Variants in LHFPL3 observed in about 807,000 individuals in gnomAD.
The protein encoded by LHFPL3 is LHFPL tetraspan subfamily member 3.
Under a neutral mutation model 19.3 loss-of-function variants are expected in LHFPL3, and 5 were observed. The ratio of observed to expected loss-of-function variants is 0.26; its 90% CI spans 0.14 to 0.54. The LOEUF is 0.54. LHFPL3 is among the 20% of genes least tolerant of loss of function. The probability of loss-of-function intolerance (pLI) is 0.94; values close to 1 mark genes in which losing one functional copy is unlikely to be tolerated. For synonymous variants in LHFPL3, 133 were observed against 126.2 expected (o/e 1.05, Z -0.36); for missense variants, 249 against 307.4 (o/e 0.81, Z 1.42).
intron 1 of LHFPL3, among the ~76,000 whole-genome samples, chr7:104,731,709 C>A (rs1448268315): frequency 6.6e-6 from 1 of 151,676 alleles, no homozygotes; most frequent in East Asian, 1.9e-4. Flanking sequence ...ATTGAATACC[C>A]TTTATTTCTT....
At chr7:104,469,656 A>T (rs938618744) in intron 1 of LHFPL3, among the ~76,000 whole-genome samples, 2 of 152,120 alleles carry the variant, frequency 1.3e-5, no homozygotes, top group African/African-American at 4.8e-5. Flanking sequence ...TCCAGGATTC[A>T]TGGTGTTCTC....
intron 1 of LHFPL3, among the ~76,000 whole-genome samples, chr7:104,352,250 CTAT>C (rs1188651475): frequency 1.3e-5 from 2 of 151,192 alleles, no homozygotes; most frequent in African/African-American, 4.9e-5. Context: ...TAAATTATTA[CTAT>C]TATATTTATA....
intron 1 of LHFPL3, among the ~76,000 whole-genome samples, chr7:104,482,539 T>G (rs192025614): frequency 2.6e-4 from 40 of 152,368 alleles, no homozygotes; most frequent in African/African-American, 7.5e-4. Context: ...TAGACTCTTA[T>G]GTGTTTATAC....
intron 1 of LHFPL3, among the ~76,000 whole-genome samples, chr7:104,578,452 G>A (rs1283742611): frequency 1.3e-5 from 2 of 152,174 alleles, no homozygotes; most frequent in Non-Finnish European, 2.9e-5. Flanking sequence ...TAGGCCCCAG[G>A]CAGGTAGGCA....
intron 1 of LHFPL3, among the ~76,000 whole-genome samples, chr7:104,385,270 A>G (rs1201271732): frequency 6.6e-6 from 1 of 152,230 alleles, no homozygotes; most frequent in African/African-American, 2.4e-5. Context: ...AAACTTCTCA[A>G]AAGGATTTGT....
intron 2 of LHFPL3, among the ~76,000 whole-genome samples, chr7:104,900,024 C>T (rs1345820132): frequency 1.3e-5 from 2 of 152,154 alleles, no homozygotes; most frequent in Non-Finnish European, 2.9e-5. Flanking sequence ...GAGCCACCGC[C>T]GTGCCTGGCC....
At chr7:104,594,162 A>C (rs2115656200) in intron 1 of LHFPL3, among the ~76,000 whole-genome samples, 1 of 152,320 alleles carries the variant, frequency 6.6e-6, no homozygotes, top group South Asian at 2.1e-4. Flanking sequence ...CTGTTCTTGC[A>C]GTGGCTGGTA....
At chr7:104,680,200 T>C (rs1792670002) in intron 1 of LHFPL3, among the ~76,000 whole-genome samples, 1 of 152,192 alleles carries the variant, frequency 6.6e-6, no homozygotes, top group Non-Finnish European at 1.5e-5. Flanking sequence ...TTTCTGTCCA[T>C]GTGGTGATGT....
At chr7:104,518,771 G>C (rs919156830) in intron 1 of LHFPL3, among the ~76,000 whole-genome samples, 1 of 151,260 alleles carries the variant, frequency 6.6e-6, no homozygotes, top group African/African-American at 2.4e-5. Context: ...GCAACAGAGT[G>C]AGACTCCATC....
intron 1 of LHFPL3, among the ~76,000 whole-genome samples, chr7:104,704,278 C>T (rs1252749672): frequency 6.6e-6 from 1 of 152,198 alleles, no homozygotes; most frequent in Non-Finnish European, 1.5e-5. Context: ...TGCCTTTCTA[C>T]TTCCATTAAA....
At chr7:104,741,746 G>T (rs1231959655) in intron 2 of LHFPL3, among the ~76,000 whole-genome samples, 1 of 151,860 alleles carries the variant, frequency 6.6e-6, no homozygotes, top group Non-Finnish European at 1.5e-5. Context: ...GTAGAGACAG[G>T]GTACCCAGGC....
At chr7:104,412,592 G>A (rs568114756) in intron 1 of LHFPL3, among the ~76,000 whole-genome samples, 2 of 151,938 alleles carry the variant, frequency 1.3e-5, no homozygotes, top group African/African-American at 4.8e-5. Flanking sequence ...GCAGGGAGTG[G>A]TCTCAGACCT....
intron 1 of LHFPL3, among the ~76,000 whole-genome samples, chr7:104,583,504 A>G (rs1420141791): frequency 6.6e-6 from 1 of 152,222 alleles, no homozygotes; most frequent in Non-Finnish European, 1.5e-5. Flanking sequence ...AAAAGAAAGT[A>G]CCATCAGAGT....
At chr7:104,640,233 T>C (rs1030593350) in intron 1 of LHFPL3, among the ~76,000 whole-genome samples, 1 of 152,190 alleles carries the variant, frequency 6.6e-6, no homozygotes, top group Non-Finnish European at 1.5e-5. Context: ...TTTTAAGCTC[T>C]GCATGCATTA....
At chr7:104,676,851 C>T (rs181489868) in intron 1 of LHFPL3, among the ~76,000 whole-genome samples, 2 of 152,186 alleles carry the variant, frequency 1.3e-5, no homozygotes, top group South Asian at 4.1e-4. Flanking sequence ...TCTGACTCAG[C>T]AGTCAAATTC....
At chr7:104,766,802 C>T (rs905804474) in intron 2 of LHFPL3, among the ~76,000 whole-genome samples, 14 of 152,132 alleles carry the variant, frequency 9.2e-5, no homozygotes, top group African/African-American at 2.9e-4. Context: ...TTATTTTTCT[C>T]GTAATTTCCT....
intron 1 of LHFPL3, among the ~76,000 whole-genome samples, chr7:104,593,250 G>T (rs200509770): frequency 6.6e-6 from 1 of 151,914 alleles, no homozygotes; most frequent in Non-Finnish European, 1.5e-5. Context: ...CTTTGTTCTC[G>T]TTGGTTTCAA....
intron 1 of LHFPL3, among the ~76,000 whole-genome samples, chr7:104,650,650 C>T (rs1792015218): frequency 6.6e-6 from 1 of 152,036 alleles, no homozygotes; most frequent in Non-Finnish European, 1.5e-5. Context: ...CTTTTTCGGC[C>T]TGAAGAAGTA....
chr7:104,545,717 C>T (rs1794566733), intron 1 of LHFPL3, among the ~76,000 whole-genome samples: 1 of 152,196 alleles, frequency 6.6e-6, no homozygotes, highest in South Asian at 2.1e-4. Flanking sequence ...CCATTTTCAT[C>T]CTTCAAACCA....
Sources: gnomAD v4.1 joint callset for allele counts (sites outside exome capture counted in the v4.1 genomes callset) on GRCh38, gnomAD v4.1.1 for gene constraint, MANE v1.5 for transcripts, NCBI Gene and HGNC (gene_info 2026-07-23, HGNC 2026-07-21) for gene names.